The following UPP1 variants were observed in gnomAD, a reference collection of about 807,000 sequenced individuals.
UPP1 encodes UPase 1.
Under a neutral mutation model 29.6 loss-of-function variants are expected in UPP1, and 25 were observed. The ratio of observed to expected loss-of-function variants is 0.85; its 90% confidence interval spans 0.62 to 1.18. UPP1 has a LOEUF of 1.18. Ranked by LOEUF, UPP1 falls within the 50% of genes most tolerant of loss-of-function variation. UPP1 has a pLI of 0.00. For missense variants in UPP1, 368 were observed against 410.4 expected (o/e 0.90, Z 0.89); for synonymous variants, 165 against 159.8 (o/e 1.03, Z -0.25).
In UPP1 at chr7:48,107,471, G is replaced by C; in HGVS notation, c.757G>C (p.Val253Leu). The C allele has an allele frequency of 1.9e-6, 3 of 1,614,030 alleles. No homozygotes were observed. The highest frequency in any genetic ancestry group is 2.5e-6 in the Non-Finnish European group (3 of 1,179,890). The part of the protein sequence containing the change: ...GVRNIEMESS[V>L]FAAMCSACGL... ...CCGCAATATCGAGATGGAGTCCTCG[G>C]TGTTTGCCGCCATGTGCAGCGCCTG... The change falls in exon 8 of 9, where the codon GTG (valine) becomes CTG (leucine). Residue 253 changes from valine (V) to leucine (L), a missense_variant. Coordinates refer to ENST00000395564, the MANE Select transcript of UPP1 (RefSeq NM_003364.4).
chr7:48,099,908 A>G, intron 4 of UPP1, 121 bp downstream of exon 4: 1 of 701,050 alleles, frequency 1.4e-6, no homozygotes, highest in Non-Finnish European at 2.4e-6. Context: ...ATGAAGACAT[A>G]ATGTTTACCA....
At chr7:48,101,218 T>C (rs1308694690) in intron 4 of UPP1, among the ~76,000 whole-genome samples, 1 of 152,170 alleles carries the variant, frequency 6.6e-6, no homozygotes, top group Non-Finnish European at 1.5e-5. Flanking sequence ...TTCAAACTCT[T>C]TAAAAACTTA....
intron 6 of UPP1, chr7:48,106,166 TAA>T (rs1792721200): frequency 6.6e-6 from 1 of 152,630 alleles, no homozygotes; most frequent in Admixed American, 6.5e-5. Flanking sequence ...CCTGAAATCT[TAA>T]ATATTAACAA....
At chr7:48,097,331 T>C (rs1792177035) in intron 3 of UPP1, among the ~76,000 whole-genome samples, 1 of 152,214 alleles carries the variant, frequency 6.6e-6, no homozygotes, top group Non-Finnish European at 1.5e-5. Flanking sequence ...CCTCCTGGGC[T>C]CAGGTGATCC....
chr7:48,098,642 C>T (rs562629499), intron 3 of UPP1, among the ~76,000 whole-genome samples: 1 of 152,172 alleles, frequency 6.6e-6, no homozygotes, highest in Admixed American at 6.5e-5. Flanking sequence ...GACCTTGCCT[C>T]TCTTGTGTCT....
rs749550110 is a variant in UPP1 at position 48,099,778 on chromosome 7, A to C, written c.153A>C (p.Gly51=). 3.9e-5 allele frequency: 63 copies of C among 1,609,632 alleles called. No homozygotes were observed. The highest frequency in any genetic ancestry group is 1.4e-5 in the Non-Finnish European group (16 of 1,176,058). ...GACACAATTTCCCAGCCTTGTTTGG[A>C]GATGTGAAGGTAAGAGGCCAGGTGT... ...TSRHNFPALF[G]DVKFVCVGGS... The change falls in exon 4 of 9, where the codon GGA becomes GGC. Residue 51 remains glycine (G), a synonymous_variant. Coordinates refer to ENST00000395564, the MANE Select transcript of UPP1 (RefSeq NM_003364.4).
intron 3 of UPP1, among the ~76,000 whole-genome samples, chr7:48,097,348 A>G (rs1352548309): frequency 6.6e-6 from 1 of 152,086 alleles, no homozygotes. Flanking sequence ...ATCCTCCCAC[A>G]TCAGCCTCCC....
intron 2 of UPP1, among the ~76,000 whole-genome samples, chr7:48,094,145 G>C (rs1791997460): frequency 6.6e-6 from 1 of 152,182 alleles, no homozygotes; most frequent in South Asian, 2.1e-4. Context: ...GGGTGACAGA[G>C]CGAGACTGTC....
rs1355448028 is a variant in UPP1, at chr7:48,108,342, A to C, written c.918A>C (p.Lys306Asn). ...TGGTGAGCTACTTCATCAAGAAGAA[A>C]CTGAGCAAGGCCTGAGCGCTGCCCT... ...QRLVSYFIKK[K>N]LSKA Residue 306 changes from lysine to asparagine, a missense_variant, in exon 9 of 9, where the codon AAA becomes AAC. By Grantham distance (94) the Lys-to-Asn change is moderately conservative (BLOSUM62 0). Coordinates refer to ENST00000395564, the MANE Select transcript of UPP1 (RefSeq NM_003364.4). 2 of 1,613,974 alleles carry C rather than the reference A, an allele frequency of 1.2e-6. No individual in the cohort carries two copies. The highest frequency in any genetic ancestry group is 1.7e-6 in the Non-Finnish European group (2 of 1,179,862).
At position 48,108,473 on chromosome 7, in the gene UPP1, A is replaced by G. The variant is rs1315439920; in HGVS notation, c.*116A>G. ...TTTACACAAGAATCTAGAAAATCAG[A>G]TCGCGATTAAGAGACAGAGAATCTT... On this transcript the variant is annotated 3_prime_UTR_variant, in exon 9 of 9. Transcript: ENST00000395564. The G allele has an allele frequency of 6.3e-6, 8 of 1,260,142 alleles. No individual in the cohort carries two copies. The African/African-American group carries it at 1.1e-4, about 17-fold the overall frequency. 78.1% of individuals were successfully genotyped at this position (1,260,142 alleles called of 1,614,324 possible).
intron 3 of UPP1, among the ~76,000 whole-genome samples, chr7:48,095,628 T>A (rs1322902600): frequency 2.6e-5 from 4 of 152,086 alleles, no homozygotes; most frequent in Non-Finnish European, 4.4e-5. Context: ...TTCTGGTGCC[T>A]GTGGACATTC....
At chr7:48,094,938 G>A in intron 3 of UPP1, 111 bp downstream of exon 3, 1 of 1,285,852 alleles carries the variant, frequency 7.8e-7, no homozygotes, top group Non-Finnish European at 1.1e-6. Context: ...CACATTTGAT[G>A]CTTGTGAAAG....
intron 2 of UPP1, among the ~76,000 whole-genome samples, chr7:48,092,611 G>A (rs1227509487): frequency 6.6e-6 from 1 of 152,116 alleles, no homozygotes; most frequent in East Asian, 1.9e-4. Context: ...TGAGGTGGGA[G>A]GATCACGTGA....
At chr7:48,089,176 A>T (rs1791669736), upstream of UPP1, 1 of 152,288 alleles carries the variant, frequency 6.6e-6, no homozygotes, top group Non-Finnish European at 1.5e-5. Context: ...GGCCCAGGGC[A>T]GGCGGGGCCC....
chr7:48,095,729 C>A (rs1400366375), intron 3 of UPP1, among the ~76,000 whole-genome samples: 1 of 151,986 alleles, frequency 6.6e-6, no homozygotes, highest in Non-Finnish European at 1.5e-5. Context: ...CTTGCTGCAA[C>A]CTCTGCTTCC....
Position 48,103,324 on chromosome 7 carries a change from A to T in UPP1, c.349A>T (p.Ile117Phe). ...SHGMGIPSIS[I>F]MLHELIKLLY... ...TGGTATGGGCATTCCTTCTATCTCA[A>T]TCATGTTGCATGAGCTCATAAAGCT... The change falls in exon 6 of 9, where the codon ATC becomes TTC. Residue 117 changes from isoleucine to phenylalanine, a missense_variant. Physicochemically the swap from Ile to Phe is conservative, Grantham distance 21 (BLOSUM62 0). Transcript: ENST00000395564. The T allele has an allele frequency of 6.2e-7, 1 of 1,613,848 alleles. No homozygotes were observed. The highest frequency in any genetic ancestry group is 8.5e-7 in the Non-Finnish European group (1 of 1,179,828).
chr7:48,099,679 C>T lies in UPP1; in HGVS notation c.54C>T (p.Pro18=), dbSNP rs574722052. 22 of 1,610,226 alleles carry T rather than the reference C, an allele frequency of 1.4e-5. 1 individual carries two copies. In the Middle Eastern group the frequency reaches 6.6e-4, roughly 48 times the overall value. ...AEKAESHNDC[P]VRLLNPNIAK... ...TCTTGTTTTTTAACAGTGATTGCCC[C>T]GTCAGACTTTTAAATCCAAACATAG... is the stretch of plus-strand genomic sequence containing the variant. Residue 18 remains proline (P), a synonymous_variant, in exon 4 of 9, where the codon CCC becomes CCT. Transcript: ENST00000395564.
At chr7:48,108,123 A>G in intron 8 of UPP1, 95 bp from the exon 9 acceptor site, 2 of 1,515,292 alleles carry the variant, frequency 1.3e-6, no homozygotes, top group Non-Finnish European at 8.9e-7. Context: ...GGAGGCAGAG[A>G]GGCTGCTCCT....
intron 3 of UPP1, among the ~76,000 whole-genome samples, chr7:48,095,764 C>T (rs866541780): frequency 3.3e-5 from 5 of 152,106 alleles, no homozygotes; most frequent in Middle Eastern, 3.4e-3. Flanking sequence ...TCTGGTGCCT[C>T]GGCCTCCCAG....
Sources: allele counts gnomAD v4.1 joint callset (sites outside exome capture counted in the v4.1 genomes callset), GRCh38; gene constraint gnomAD v4.1.1; transcripts MANE v1.5; gene names NCBI Gene and HGNC (gene_info 2026-07-23, HGNC 2026-07-21).